The following ELOVL5 variants were observed in gnomAD, a reference collection of about 807,000 sequenced individuals.
ELOVL5 encodes very long chain fatty acid elongase 5.
In ELOVL5, 8 loss-of-function variants were observed where a neutral mutation model predicts 38.6. That is an observed-to-expected ratio of 0.21 (90% CI 0.12 to 0.37). The LOEUF (loss-of-function observed/expected upper bound fraction) is 0.37, where lower values mean the gene tolerates loss of function less well. Among genes scored for constraint, ELOVL5 ranks in the 10% least tolerant of loss-of-function variants. The pLI is 1.00. For synonymous variants in ELOVL5, 127 were observed against 133.7 expected, an observed-to-expected ratio of 0.95 and a Z score of 0.34; for missense variants, 280 against 367.8, an observed-to-expected ratio of 0.76 and a Z score of 1.95.
At position 53,332,947 on chromosome 6, in the gene ELOVL5, G is replaced by A. The variant is rs148518052; in HGVS notation, c.-9+15870C>T. On this transcript the variant is annotated intron_variant, in intron 1 of 7. Transcript: ENST00000304434. Reference sequence around the variant, plus strand: ...TGAAGCTCAGCTGACTCCTTAAAGCGAAGACCTGGCTGAAGGAAGAAAAGC... The same window carrying A: ...TGAAGCTCAGCTGACTCCTTAAAGCAAAGACCTGGCTGAAGGAAGAAAAGC... Among the ~76,000 whole-genome samples the A allele has an allele frequency of 1.7e-3, 258 of 152,302 alleles. 2 individuals carry two copies. The highest frequency in any genetic ancestry group is 6.0e-3 in the African/African-American group (248 of 41,574).
At chr6:53,340,846 C>T (rs1373758951) in intron 1 of ELOVL5, among the ~76,000 whole-genome samples, 2 of 152,198 alleles carry the variant, frequency 1.3e-5, no homozygotes, top group African/African-American at 4.8e-5. Flanking sequence ...GTACACCTGA[C>T]TTACATTTTC....
chr6:53,297,864 C>A (rs1033140288), intron 1 of ELOVL5, among the ~76,000 whole-genome samples: 3 of 152,086 alleles, frequency 2.0e-5, no homozygotes, highest in African/African-American at 7.2e-5. Flanking sequence ...TGAACCACTT[C>A]AGGAGAGACA....
intron 1 of ELOVL5, among the ~76,000 whole-genome samples, chr6:53,306,005 C>G (rs2127580532): frequency 6.6e-6 from 1 of 151,920 alleles, no homozygotes; most frequent in East Asian, 2.0e-4. Context: ...AGCTGGAGAC[C>G]AGCCCGGCCA....
chr6:53,348,884 T>A lies in ELOVL5; in HGVS notation c.-76A>T, dbSNP rs1236228305. 2.2e-6 allele frequency: 1 copy of A among 454,240 alleles called. No individual in the cohort carries two copies. Among genetic ancestry groups the A allele is most frequent in the East Asian group, 7.4e-5 (1 of 13,604 alleles). The allele number at this position is 454,240 out of a possible 1,614,324, so 28.1% of individuals were successfully genotyped here. ...GCGGCGGCGGCGGAGGGAGCGCGGGTGGCAGCCGGCGCAGAGGCGGATGTA... is the reference window on the plus strand; with the variant it reads ...GCGGCGGCGGCGGAGGGAGCGCGGGAGGCAGCCGGCGCAGAGGCGGATGTA... On this transcript the variant is annotated 5_prime_UTR_variant, in exon 1 of 8. Coordinates refer to ENST00000304434, the MANE Select transcript of ELOVL5 (RefSeq NM_021814.5).
chr6:53,305,359 C>CAGCTGGCCGGGCGGGG (rs1767464726), intron 1 of ELOVL5, among the ~76,000 whole-genome samples: 1 of 112,634 alleles, frequency 8.9e-6, no homozygotes, highest in African/African-American at 4.8e-5. Context: ...CCGGACGGGG[C>CAGCTGGCCGGGCGGGG]GGCTGGCCTG....
intron 1 of ELOVL5, among the ~76,000 whole-genome samples, chr6:53,333,038 C>T (rs981611414): frequency 6.6e-6 from 1 of 152,150 alleles, no homozygotes; most frequent in Non-Finnish European, 1.5e-5. Flanking sequence ...CATGACACTC[C>T]CTTCTCTAAA....
intron 1 of ELOVL5, among the ~76,000 whole-genome samples, chr6:53,307,983 A>G (rs775080339): frequency 6.6e-6 from 1 of 152,184 alleles, no homozygotes. Context: ...AAAATACCCC[A>G]TGCAGTCTCT....
At chr6:53,316,453 G>A (rs1768047129) in intron 1 of ELOVL5, among the ~76,000 whole-genome samples, 1 of 152,084 alleles carries the variant, frequency 6.6e-6, no homozygotes, top group Non-Finnish European at 1.5e-5. Context: ...CAGACAGAAG[G>A]CAGAGATGAA....
intron 1 of ELOVL5, among the ~76,000 whole-genome samples, chr6:53,320,482 C>A (rs771763524): frequency 6.6e-6 from 1 of 151,990 alleles, no homozygotes; most frequent in Non-Finnish European, 1.5e-5. Context: ...ACTACAAGCA[C>A]CCACCACCGC....
intron 1 of ELOVL5, among the ~76,000 whole-genome samples, chr6:53,335,979 T>C (rs1161962032): frequency 6.6e-6 from 1 of 152,172 alleles, no homozygotes; most frequent in Non-Finnish European, 1.5e-5. Flanking sequence ...CCCTGAACCA[T>C]CCACCCTGCC....
At chr6:53,346,622 T>C (rs1769558226) in intron 1 of ELOVL5, among the ~76,000 whole-genome samples, 1 of 152,060 alleles carries the variant, frequency 6.6e-6, no homozygotes, top group African/African-American at 2.4e-5. Context: ...TTACAAAATC[T>C]TTTAGGAGAG....
In ELOVL5 at chr6:53,303,495, A is replaced by G. The variant is rs115966451; in HGVS notation, c.-8-7788T>C. On this transcript the variant is annotated intron_variant, in intron 1 of 7. Transcript: ENST00000304434. ...TCTAAGGAAGTAACAAACTCTTGTA[A>G]TTCTCTGATAAAGTCATTTTTCCTG... 4.1e-3 allele frequency among the ~76,000 whole-genome samples: 623 copies of G among 152,270 alleles called. 4 individuals are homozygous for G. Among genetic ancestry groups the G allele is most frequent in the African/African-American group, 0.014 (574 of 41,546 alleles).
chr6:53,275,339 T>C (rs1665616708), intron 4 of ELOVL5, 78 bp from the exon 5 acceptor site: 3 of 1,468,310 alleles, frequency 2.0e-6, no homozygotes, highest in African/African-American at 1.4e-5. Flanking sequence ...GTTTCACTAA[T>C]ATCCAAAAAT....
intron 1 of ELOVL5, among the ~76,000 whole-genome samples, chr6:53,336,480 T>C (rs1312661791): frequency 1.3e-5 from 2 of 152,146 alleles, no homozygotes; most frequent in Non-Finnish European, 2.9e-5. Flanking sequence ...GGCAACACGG[T>C]GAAACCTTGT....
At chr6:53,292,665 C>T (rs1766818189) in intron 2 of ELOVL5, among the ~76,000 whole-genome samples, 1 of 152,200 alleles carries the variant, frequency 6.6e-6, no homozygotes, top group Non-Finnish European at 1.5e-5. Flanking sequence ...GTGCTGCACA[C>T]CTGTAATCCC....
In ELOVL5 at chr6:53,335,021, T is replaced by A. The variant is rs137896586; in HGVS notation, c.-9+13796A>T. Reference sequence around the variant, plus strand: ...GTGATTCTGGGCAAGCCATTTAAATTCTCATTCTTGGTTTCATCACCTATT... The same window carrying A: ...GTGATTCTGGGCAAGCCATTTAAATACTCATTCTTGGTTTCATCACCTATT... On this transcript the variant is annotated intron_variant, in intron 1 of 7. Transcript: ENST00000304434. Among the ~76,000 whole-genome samples the A allele has an allele frequency of 1.8e-4, 28 of 152,314 alleles. No homozygotes were observed. The East Asian group carries it at 5.2e-3, about 28-fold the overall frequency.
At chr6:53,347,108 G>C (rs1320521497) in intron 1 of ELOVL5, among the ~76,000 whole-genome samples, 1 of 152,144 alleles carries the variant, frequency 6.6e-6, no homozygotes, top group African/African-American at 2.4e-5. Flanking sequence ...ATTTTAGTAA[G>C]CCTTCTACTG....
intron 2 of ELOVL5, among the ~76,000 whole-genome samples, chr6:53,292,416 C>T (rs2294852): frequency 1.3e-5 from 2 of 152,088 alleles, no homozygotes; most frequent in East Asian, 1.9e-4. Flanking sequence ...TGCTTAGCCA[C>T]GTTAGTGAAA....
intron 3 of ELOVL5, among the ~76,000 whole-genome samples, chr6:53,278,208 A>G (rs1292310221): frequency 2.0e-5 from 3 of 152,198 alleles, no homozygotes; most frequent in Non-Finnish European, 2.9e-5. Flanking sequence ...GTCCAGAGAC[A>G]TCCTGGGTTG....
Sources: gnomAD v4.1 joint callset for allele counts (sites outside exome capture counted in the v4.1 genomes callset) on GRCh38, gnomAD v4.1.1 for gene constraint, MANE v1.5 for transcripts, NCBI Gene and HGNC (gene_info 2026-07-23, HGNC 2026-07-21) for gene names.